Variants in GRAMD1C observed in about 807,000 individuals in gnomAD.
GRAMD1C encodes the protein GRAM domain containing 1C.
Under a neutral mutation model 97.8 loss-of-function variants are expected in GRAMD1C, and 89 were observed. That is an observed-to-expected ratio of 0.91 (90% confidence interval 0.77 to 1.09). The LOEUF (loss-of-function observed/expected upper bound fraction) is 1.09. Among genes scored for constraint, GRAMD1C ranks in the 50% least tolerant of loss-of-function variants. The pLI is 0.00. For missense variants in GRAMD1C, 740 were observed against 766.4 expected (o/e 0.97, Z 0.41); for synonymous variants, 256 against 267.0 (o/e 0.96, Z 0.40).
At chr3:113,875,284 T>C (rs1392206882) in intron 3 of GRAMD1C, among the ~76,000 whole-genome samples, 200 bp from the exon 4 acceptor site, 1 of 152,150 alleles carries the variant, frequency 6.6e-6, no homozygotes, top group Non-Finnish European at 1.5e-5. Context: ...TACATTGTGT[T>C]CCATGAAGGC....
chr3:113,848,885 C>T (rs1933729584), intron 2 of GRAMD1C, among the ~76,000 whole-genome samples: 1 of 152,006 alleles, frequency 6.6e-6, no homozygotes, highest in South Asian at 2.1e-4. Context: ...CCTAATTAAA[C>T]AATAAAAATT....
intron 6 of GRAMD1C, among the ~76,000 whole-genome samples, chr3:113,883,241 C>T (rs61703400): frequency 4.6e-5 from 7 of 152,080 alleles, no homozygotes; most frequent in African/African-American, 1.7e-4. Context: ...ATACATGAAC[C>T]AAGCCAGGCA....
intron 6 of GRAMD1C, among the ~76,000 whole-genome samples, chr3:113,887,489 A>G (rs1935551464): frequency 6.6e-6 from 1 of 151,964 alleles, no homozygotes; most frequent in Non-Finnish European, 1.5e-5. Flanking sequence ...TCACGAGGTC[A>G]GGAGATCGAG....
chr3:113,926,526 C>G (rs1421625947), intron 10 of GRAMD1C, among the ~76,000 whole-genome samples: 2 of 152,122 alleles, frequency 1.3e-5, no homozygotes, highest in African/African-American at 4.8e-5. Flanking sequence ...TAATTTCAGC[C>G]TGGTTAAGAA....
At chr3:113,845,706 AAAAAAT>A (rs1318238717) in intron 2 of GRAMD1C, among the ~76,000 whole-genome samples, 2 of 152,198 alleles carry the variant, frequency 1.3e-5, no homozygotes, top group African/African-American at 2.4e-5. Context: ...CCCTGTCTCA[AAAAAAT>A]AAAAATAAAA....
rs1352349007 is a variant in GRAMD1C, at chr3:113,885,388, C to T, written c.540+2556C>T. 3.8e-6 allele frequency: 6 copies of T among 1,577,154 alleles called. No homozygotes were observed. In the African/African-American group the frequency reaches 6.7e-5, roughly 18 times the overall value. On this transcript the variant is annotated intron_variant, in intron 6 of 17. Transcript: ENST00000358160. Reference sequence around the variant, plus strand: ...CTTCTTCATTTACCTTTTGCGGGGGCAGATCCGCACGGTAATTCAGTACCA... The same window carrying T: ...CTTCTTCATTTACCTTTTGCGGGGGTAGATCCGCACGGTAATTCAGTACCA...
Position 113,844,651 on chromosome 3 carries a change from TA to T in GRAMD1C, c.174+4del. ...TGGAGTGGTGACTGGAGCTTTTGGG[TA>T]ATTTCTTTTTTTACGTCTTTATTTT... On this transcript the variant is annotated splice_donor_region_variant and intron_variant, in intron 2 of 17. Transcript: ENST00000358160. The T allele has an allele frequency of 6.3e-7, 1 of 1,575,636 alleles. No homozygotes were observed. Among genetic ancestry groups the T allele is most frequent in the Non-Finnish European group, 8.6e-7 (1 of 1,164,408 alleles).
chr3:113,904,266 A>T lies in GRAMD1C; in HGVS notation c.783A>T (p.Ser261=). ...CAGAGTCATTCGATGGAAATTCATC[A>T]AAAGGAGTTAGTATATGATATCCCT... ...SETESFDGNS[S]KGGLGKEESQ... is the part of the protein sequence containing the mutation. The change falls in exon 8 of 18, where the codon TCA becomes TCT. Residue 261 remains serine, a synonymous_variant. Coordinates refer to ENST00000358160, the MANE Select transcript of GRAMD1C (RefSeq NM_017577.5). The T allele has an allele frequency of 6.3e-7, 1 of 1,598,794 alleles. No individual in the cohort carries two copies. The highest frequency in any genetic ancestry group is 8.6e-7 in the Non-Finnish European group (1 of 1,166,174).
chr3:113,862,605 G>A (rs144554323), intron 2 of GRAMD1C, among the ~76,000 whole-genome samples: 3,607 of 152,158 alleles, frequency 0.024, 140 homozygotes, highest in African/African-American at 0.08. Context: ...AGGGTCCTGA[G>A]GTGACATACA....
At position 113,933,595 on chromosome 3, in the gene GRAMD1C, T is replaced by G. The variant is rs769424563; in HGVS notation, c.1294T>G (p.Phe432Val). The change falls in exon 12 of 18, where the codon TTC (phenylalanine) becomes GTC (valine). Residue 432 changes from phenylalanine (F) to valine (V), a missense_variant. By Grantham distance (50) the Phe-to-Val change is conservative. Coordinates refer to ENST00000358160, the MANE Select transcript of GRAMD1C (RefSeq NM_017577.5). ...ACATGATGTCCCCTACCATGATTAC[T>G]TCTATACCGTGAACAGATACTGTAT... ...LTHDVPYHDY[F>V]YTVNRYCIIR... The G allele has an allele frequency of 6.2e-7, 1 of 1,605,058 alleles. No homozygotes were observed. Among genetic ancestry groups the G allele is most frequent in the Non-Finnish European group, 8.5e-7 (1 of 1,171,908 alleles).
At chr3:113,856,139 C>T (rs1232038152) in intron 2 of GRAMD1C, among the ~76,000 whole-genome samples, 2 of 152,088 alleles carry the variant, frequency 1.3e-5, no homozygotes, top group Admixed American at 6.6e-5. Context: ...CTGCCCACCT[C>T]GGCCTCCCAA....
chr3:113,900,711 T>G (rs1936137048), intron 6 of GRAMD1C, among the ~76,000 whole-genome samples: 1 of 151,672 alleles, frequency 6.6e-6, no homozygotes. Context: ...CAGGCGTGAG[T>G]CACTGTGCCT....
chr3:113,832,780 A>G (rs942057613), intron 1 of GRAMD1C, among the ~76,000 whole-genome samples: 1 of 152,208 alleles, frequency 6.6e-6, no homozygotes, highest in Admixed American at 6.5e-5. Flanking sequence ...AGAAAAATAC[A>G]TACAGAAACA....
At chr3:113,853,760 C>T (rs1006885733) in intron 2 of GRAMD1C, among the ~76,000 whole-genome samples, 7 of 151,966 alleles carry the variant, frequency 4.6e-5, no homozygotes, top group East Asian at 1.9e-4. Context: ...ATGAAGACAA[C>T]AAAAGAATGT....
chr3:113,876,906 G>C (rs555109861), intron 5 of GRAMD1C, among the ~76,000 whole-genome samples: 11 of 151,968 alleles, frequency 7.2e-5, no homozygotes, highest in Middle Eastern at 6.8e-3. Flanking sequence ...AAAAGAGACA[G>C]GGAGAGTTTT....
rs1365331796 is a variant in GRAMD1C at position 113,878,165 on chromosome 3, A to G, written c.459+1905A>G. 8.5e-5 allele frequency among the ~76,000 whole-genome samples: 13 copies of G among 152,216 alleles called. No homozygotes were observed. The East Asian group carries it at 2.5e-3, about 29-fold the overall frequency. On this transcript the variant is annotated intron_variant, in intron 5 of 17. Coordinates refer to ENST00000358160, the MANE Select transcript of GRAMD1C (RefSeq NM_017577.5). ...CATTCCTTTACTTATGTCAGTATGAACTGGTGATTTCTTACCTTATTCAAT... is the reference window on the plus strand; with the variant it reads ...CATTCCTTTACTTATGTCAGTATGAGCTGGTGATTTCTTACCTTATTCAAT...
At chr3:113,918,581 A>G (rs1301029296) in intron 10 of GRAMD1C, among the ~76,000 whole-genome samples, 3 of 152,238 alleles carry the variant, frequency 2.0e-5, no homozygotes, top group Non-Finnish European at 4.4e-5. Flanking sequence ...AGTTATGAGT[A>G]TGTTGCTGGC....
Position 113,850,666 on chromosome 3 carries a change from C to T in GRAMD1C, c.174+6017C>T. ...TAGGCATGTGGACGTCCTTCTTGGC[C>T]ACCATGACTCCCTCCTTAAAAAGGA... On this transcript the variant is annotated intron_variant, in intron 2 of 17. Coordinates refer to ENST00000358160, the MANE Select transcript of GRAMD1C (RefSeq NM_017577.5). 3.7e-6 allele frequency: 6 copies of T among 1,602,462 alleles called. No homozygotes were observed. In the South Asian group the frequency reaches 6.6e-5, roughly 18 times the overall value.
At chr3:113,902,961 TTTTC>T (rs758691773) in intron 7 of GRAMD1C, among the ~76,000 whole-genome samples, 25 of 150,318 alleles carry the variant, frequency 1.7e-4, no homozygotes, top group Admixed American at 3.3e-4. Context: ...TCTTTTTTTC[TTTTC>T]TTTCTTTCTT....
Sources: allele counts gnomAD v4.1 joint callset (sites outside exome capture counted in the v4.1 genomes callset), GRCh38; gene constraint gnomAD v4.1.1; transcripts MANE v1.5; gene names NCBI Gene and HGNC (gene_info 2026-07-23, HGNC 2026-07-21).